Variants in DYNC1H1 observed in about 807,000 individuals in gnomAD.
The protein encoded by DYNC1H1 is dynein cytoplasmic 1 heavy chain 1.
In DYNC1H1, 51 loss-of-function variants were observed where a neutral mutation model predicts 527.1. The ratio of observed to expected loss-of-function variants is 0.10; its 90% CI spans 0.08 to 0.12. The LOEUF (loss-of-function observed/expected upper bound fraction) is 0.12. Ranked by LOEUF, DYNC1H1 falls within the 10% of genes least tolerant of loss-of-function variation. The pLI, the probability that DYNC1H1 is intolerant of heterozygous loss-of-function variation, is 1.00. For missense variants in DYNC1H1, 2,771 were observed against 5,971.8 expected (o/e 0.46, Z 17.66); for synonymous variants, 2,189 against 2,278.8 (o/e 0.96, Z 1.12).
chr14:102,027,291 G>A lies in DYNC1H1; in HGVS notation c.8886+3G>A. The A allele has an allele frequency of 6.2e-7, 1 of 1,614,088 alleles. No individual in the cohort carries two copies. The highest frequency in any genetic ancestry group is 8.5e-7 in the Non-Finnish European group (1 of 1,180,026). ...GTTTGAGTGTGTACCAGATTAAGGTGCGTCTGGTCGGTGGCCTCTTAATCC... is the reference window on the plus strand; with the variant it reads ...GTTTGAGTGTGTACCAGATTAAGGTACGTCTGGTCGGTGGCCTCTTAATCC... On this transcript the variant is annotated splice_donor_region_variant and intron_variant, in intron 45 of 77. Coordinates refer to ENST00000360184, the MANE Select transcript of DYNC1H1 (RefSeq NM_001376.5). This position sits in a 1 kb window ranked among gnomAD's most constrained non-coding sequence, Gnocchi z 7.7.
At position 102,030,267 on chromosome 14, in the gene DYNC1H1, A is replaced by C; in HGVS notation, c.9868A>C (p.Ile3290Leu). The C allele has an allele frequency of 6.2e-7, 1 of 1,614,178 alleles. No homozygotes were observed. Among genetic ancestry groups the C allele is most frequent in the Non-Finnish European group, 8.5e-7 (1 of 1,180,006 alleles). Reference sequence around the variant, plus strand: ...TCTTGATAAGGTGGAACCTGCCGTCATTGAGGCCCAGAATGGTATGTAAAG... The same window carrying C: ...TCTTGATAAGGTGGAACCTGCCGTCCTTGAGGCCCAGAATGGTATGTAAAG... ...EDLDKVEPAV[I>L]EAQNAVKSIK... The change falls in exon 51 of 78, where the codon ATT (isoleucine) becomes CTT (leucine). Residue 3290 changes from isoleucine (I) to leucine (L), a missense_variant. Physicochemically the swap from Ile to Leu is conservative, Grantham distance 5 (BLOSUM62 2). Around this residue, in one of 32 missense-constraint regions of DYNC1H1, gnomAD observed 30 missense variants for 117.8 expected, o/e 0.25. Transcript: ENST00000360184.
intron 10 of DYNC1H1, 57 bp from the exon 11 acceptor site, chr14:101,991,470 A>G: frequency 6.2e-7 from 1 of 1,610,154 alleles, no homozygotes; most frequent in Non-Finnish European, 8.5e-7. Flanking sequence ...TGTCTTAAAA[A>G]AATTTTTTTT....
Position 102,005,738 on chromosome 14 carries a change from C to A in DYNC1H1, c.5434-150C>A. The A allele has an allele frequency of 1.1e-6, 1 of 920,908 alleles. No individual in the cohort carries two copies. The allele number at this position is 920,908 out of a possible 1,614,324, so 57.0% of individuals were successfully genotyped here. On this transcript the variant is annotated intron_variant, in intron 26 of 77. Transcript: ENST00000360184. This position sits in a 1 kb window ranked among gnomAD's most constrained non-coding sequence, Gnocchi z 4.0. Reference sequence around the variant, plus strand: ...CTCATGAGTAACATTTCTCTCATCTCTGAAAGTGAATTTGCCTTTTGGAAC... The same window carrying A: ...CTCATGAGTAACATTTCTCTCATCTATGAAAGTGAATTTGCCTTTTGGAAC...
Position 101,965,048 on chromosome 14 carries a change from C to G in DYNC1H1, c.256+101C>G. The G allele has an allele frequency of 7.7e-7, 1 of 1,305,070 alleles. No individual in the cohort carries two copies. The allele number at this position is 1,305,070 out of a possible 1,614,324, so 80.8% of individuals were successfully genotyped here. On this transcript the variant is annotated intron_variant, in intron 1 of 77. Coordinates refer to ENST00000360184, the MANE Select transcript of DYNC1H1 (RefSeq NM_001376.5). This position sits in a 1 kb window ranked among gnomAD's most constrained non-coding sequence, Gnocchi z 4.1. Reference sequence around the variant, plus strand: ...GCAGATGTCCCCGGGATGGGAGGAGCCCGGCAGCTGCAGATGACCCCTGGA... The same window carrying G: ...GCAGATGTCCCCGGGATGGGAGGAGGCCGGCAGCTGCAGATGACCCCTGGA...
In DYNC1H1 at chr14:102,038,852, G is replaced by T. The variant is rs1164135384; in HGVS notation, c.11206+4G>T. ...TCTGATCTTCTTAAACTTCAAGGTA[G>T]GATCTGGACCTGTGGCTTTTAGATG... On this transcript the variant is annotated splice_donor_region_variant and intron_variant, in intron 59 of 77. Coordinates refer to ENST00000360184, the MANE Select transcript of DYNC1H1 (RefSeq NM_001376.5). The surrounding 1 kb of genome is among the most constrained non-coding windows in gnomAD (Gnocchi z 7.2). 2 of 1,614,090 alleles carry T rather than the reference G, an allele frequency of 1.2e-6. No individual in the cohort carries two copies. The highest frequency in any genetic ancestry group is 1.7e-6 in the Non-Finnish European group (2 of 1,180,054).
chr14:102,012,578 T>A lies in DYNC1H1; in HGVS notation c.7014+108T>A. ...AGTCATGGACCCAGATTCCATGGAG[T>A]AGTGATCATTGTGTAAGTAATTTTC... On this transcript the variant is annotated intron_variant, in intron 34 of 77. Transcript: ENST00000360184. This position sits in a 1 kb window ranked among gnomAD's most constrained non-coding sequence, Gnocchi z 4.9. The A allele has an allele frequency of 7.0e-7, 1 of 1,438,792 alleles. No homozygotes were observed. Among genetic ancestry groups the A allele is most frequent in the Admixed American group, 1.7e-5 (1 of 59,602 alleles). The allele number at this position is 1,438,792 out of a possible 1,614,324, so 89.1% of individuals were successfully genotyped here. A position where few individuals can be genotyped will look rare whatever the true frequency, so the allele number is the denominator to read the frequency against.
intron 51 of DYNC1H1, among the ~76,000 whole-genome samples, chr14:102,031,725 C>A (rs186139534): frequency 2.0e-5 from 3 of 152,096 alleles, no homozygotes; most frequent in Non-Finnish European, 4.4e-5. Context: ...GAGGCAGGGG[C>A]GGGTGGATCA....
chr14:102,032,033 T>A (rs922366205), intron 51 of DYNC1H1, among the ~76,000 whole-genome samples: 2 of 152,226 alleles, frequency 1.3e-5, no homozygotes, highest in African/African-American at 2.4e-5. Flanking sequence ...GGTAATATCC[T>A]GCTTTTTAAG....
rs17540762 is a variant in DYNC1H1, at chr14:101,985,628, A to G, written c.1462-59A>G. ...TGTGAGCCACTGCACCCGGCTTAAA[A>G]TAAATTTTAAAGCCTTCGTTTGGTC... On this transcript the variant is annotated intron_variant, in intron 7 of 77. Transcript: ENST00000360184. The surrounding 1 kb of genome is among the most constrained non-coding windows in gnomAD (Gnocchi z 5.9). 2.6e-4 allele frequency: 416 copies of G among 1,603,102 alleles called. 1 individual carries two copies. In the African/African-American group the frequency reaches 4.9e-3, roughly 19 times the overall value.
At chr14:102,048,867 T>C (rs2048764344) in intron 74 of DYNC1H1, 198 bp downstream of exon 74, 1 of 725,948 alleles carries the variant, frequency 1.4e-6, no homozygotes, top group Admixed American at 2.9e-5. Context: ...GTTTTTCTTC[T>C]GTGCTGGTTC....
At position 101,984,417 on chromosome 14, in the gene DYNC1H1, G is replaced by T. The variant is rs1443910827; in HGVS notation, c.1461+808G>T. 2.3e-5 allele frequency among the ~76,000 whole-genome samples: 3 copies of T among 128,514 alleles called. No homozygotes were observed. The Admixed American group carries it at 2.4e-4, about 10-fold the overall frequency. 84.3% of individuals were successfully genotyped at this position (128,514 alleles called of 152,430 possible). ...TGCGTATATATGTGTGTGTGTGTGT[G>T]TGTGTGTGTGTGTGTATATATATAT... On this transcript the variant is annotated intron_variant, in intron 7 of 77. Transcript: ENST00000360184.
In DYNC1H1 at chr14:101,997,957, G is replaced by A. The variant is rs2048083048; in HGVS notation, c.3804+683G>A. On this transcript the variant is annotated intron_variant, in intron 16 of 77. Transcript: ENST00000360184. This position sits in a 1 kb window ranked among gnomAD's most constrained non-coding sequence, Gnocchi z 4.8. ...AGAGGGCGCTGGCTCAGTGGCTACT[G>A]CTGTGCCTGGGAGGGTGGTGTGGAA... is the stretch of plus-strand genomic sequence containing the variant. Among the ~76,000 whole-genome samples, 2 of 152,356 alleles carry A rather than the reference G, an allele frequency of 1.3e-5. No individual in the cohort carries two copies. The highest frequency in any genetic ancestry group is 4.8e-5 in the African/African-American group (2 of 41,586).
chr14:102,012,500 A>C lies in DYNC1H1; in HGVS notation c.7014+30A>C. 6.2e-7 allele frequency: 1 copy of C among 1,614,122 alleles called. No homozygotes were observed. The highest frequency in any genetic ancestry group is 1.1e-5 in the South Asian group (1 of 91,076). On this transcript the variant is annotated intron_variant, in intron 34 of 77. Transcript: ENST00000360184. This position sits in a 1 kb window ranked among gnomAD's most constrained non-coding sequence, Gnocchi z 4.9. ...GTAGCCTTTTGTATGTCGTCAACTGAATAATTCCTTTTGGCCAACTAAACT... is the reference window on the plus strand; with the variant it reads ...GTAGCCTTTTGTATGTCGTCAACTGCATAATTCCTTTTGGCCAACTAAACT...
At chr14:101,994,378 A>G in intron 12 of DYNC1H1, 54 bp downstream of exon 12, 1 of 1,611,780 alleles carries the variant, frequency 6.2e-7, no homozygotes, top group Non-Finnish European at 8.5e-7. Context: ...CTAGACACTT[A>G]AGAGTACAAG....
At chr14:101,981,877 A>G (rs2047869308) in intron 5 of DYNC1H1, among the ~76,000 whole-genome samples, 2 of 152,220 alleles carry the variant, frequency 1.3e-5, no homozygotes, top group African/African-American at 4.8e-5. Context: ...AAATTAAGCC[A>G]TGAATGTAAA....
intron 18 of DYNC1H1, 175 bp downstream of exon 18, chr14:102,000,574 T>A (rs988770349): frequency 7.9e-5 from 9 of 114,394 alleles, no homozygotes; most frequent in African/African-American, 2.8e-4. Context: ...TTTTGAAACC[T>A]TTTTTTTTTT....
chr14:102,011,969 T>C lies in DYNC1H1; in HGVS notation c.6713T>C (p.Leu2238Pro). ...SGKSMAWRVL[L>P]KALERLEGVE... ...AAGAGCATGGCCTGGCGTGTCCTGCTGAAGGCATTGGAGAGACTCGAGGGT... is the reference window on the plus strand; with the variant it reads ...AAGAGCATGGCCTGGCGTGTCCTGCCGAAGGCATTGGAGAGACTCGAGGGT... The change falls in exon 33 of 78, where the codon CTG becomes CCG. Residue 2238 changes from leucine to proline, a missense_variant. By Grantham distance (98) the Leu-to-Pro change is moderately conservative (BLOSUM62 -3). This residue lies in a region of DYNC1H1 where 56 missense variants were observed against 183.8 expected (regional missense o/e 0.30). Transcript: ENST00000360184. This position sits in a 1 kb window ranked among gnomAD's most constrained non-coding sequence, Gnocchi z 5.3. The C allele has an allele frequency of 6.2e-7, 1 of 1,614,054 alleles. No homozygotes were observed. Among genetic ancestry groups the C allele is most frequent in the Non-Finnish European group, 8.5e-7 (1 of 1,180,008 alleles).
chr14:102,041,734 G>GGTAA lies in DYNC1H1; in HGVS notation c.12102+1_12102+4dup. On this transcript the variant is annotated frameshift_variant and splice_region_variant. Coordinates refer to ENST00000360184, the MANE Select transcript of DYNC1H1 (RefSeq NM_001376.5). LOFTEE classifies it high-confidence loss of function. This position sits in a 1 kb window ranked among gnomAD's most constrained non-coding sequence, Gnocchi z 4.5. ...ACCTGACCCACATTGTGGGCACAGAGGTAATGTCCTGGTACAGCCCGGGCT... is the reference window on the plus strand; with the variant it reads ...ACCTGACCCACATTGTGGGCACAGAGGTAAGTAATGTCCTGGTACAGCCCGGGCT... 1.2e-6 allele frequency: 2 copies of GGTAA among 1,614,058 alleles called. No individual in the cohort carries two copies. Among genetic ancestry groups the GGTAA allele is most frequent in the Non-Finnish European group, 1.7e-6 (2 of 1,180,044 alleles).
Position 102,010,560 on chromosome 14 carries a change from T to A in DYNC1H1, c.6405+101T>A. On this transcript the variant is annotated intron_variant, in intron 31 of 77. Coordinates refer to ENST00000360184, the MANE Select transcript of DYNC1H1 (RefSeq NM_001376.5). This position sits in a 1 kb window ranked among gnomAD's most constrained non-coding sequence, Gnocchi z 6.0. Reference sequence around the variant, plus strand: ...TTGTGAGTTCTTCTTGCAGTTCACATGTCTTGGGATGGCTGAAATAGACTG... The same window carrying A: ...TTGTGAGTTCTTCTTGCAGTTCACAAGTCTTGGGATGGCTGAAATAGACTG... 6.5e-7 allele frequency: 1 copy of A among 1,534,960 alleles called. No individual in the cohort carries two copies. The highest frequency in any genetic ancestry group is 1.4e-5 in the African/African-American group (1 of 72,696).
Sources: allele counts gnomAD v4.1 joint callset (sites outside exome capture counted in the v4.1 genomes callset), GRCh38; gene constraint gnomAD v4.1.1; regional missense constraint gnomAD v4.1.1; non-coding constraint Gnocchi (gnomAD v3.1); transcripts MANE v1.5; gene names NCBI Gene and HGNC (gene_info 2026-07-23, HGNC 2026-07-21).